LINGO2: variants seen among roughly 807,000 people sequenced by gnomAD.
LINGO2 encodes the protein leucine-rich repeat and immunoglobulin-like domain-containing nogo receptor-interacting protein 2.
Under a neutral mutation model 30.6 loss-of-function variants are expected in LINGO2, and 14 were observed. That is an observed-to-expected ratio of 0.46 (90% CI 0.30 to 0.72). The LOEUF (loss-of-function observed/expected upper bound fraction) is 0.72, where lower values mean the gene tolerates loss of function less well. Ranked by LOEUF, LINGO2 falls within the 30% of genes least tolerant of loss-of-function variation. LINGO2 has a pLI of 0.07. For missense variants in LINGO2, 729 were observed against 751.7 expected (o/e 0.97, Z 0.35); for synonymous variants, 317 against 288.5 (o/e 1.10, Z -1.00).
At chr9:28,292,325 G>A (rs1213692386) in intron 4 of LINGO2, among the ~76,000 whole-genome samples, 1 of 152,084 alleles carries the variant, frequency 6.6e-6, no homozygotes, top group Non-Finnish European at 1.5e-5. Context: ...ACTCACATGG[G>A]CATTTTATGG....
intron 4 of LINGO2, among the ~76,000 whole-genome samples, chr9:28,045,923 A>T (rs570387355): frequency 1.3e-5 from 2 of 152,294 alleles, no homozygotes; most frequent in African/African-American, 4.8e-5. Context: ...TTTGATGATG[A>T]TGAAAAGCAA....
chr9:28,464,670 G>T (rs1228222107), intron 2 of LINGO2, among the ~76,000 whole-genome samples: 1 of 152,148 alleles, frequency 6.6e-6, no homozygotes, highest in Admixed American at 6.5e-5. Context: ...TATTGTTAAA[G>T]AAACTCTTAG....
At chr9:28,744,108 A>ATT in the LINGO2 span, among the ~76,000 whole-genome samples, 61 of 136,848 alleles carry the variant, frequency 4.5e-4, no homozygotes, top group East Asian at 8.0e-4. Flanking sequence ...ATATATATAT[A>ATT]TTTTTTTTCT....
intron 4 of LINGO2, among the ~76,000 whole-genome samples, chr9:28,249,105 C>CT (rs138523338): frequency 0.012 from 1,799 of 151,798 alleles, 41 homozygotes; most frequent in African/African-American, 0.041. Flanking sequence ...AATGTGGTTT[C>CT]TTTTTTTTAG....
chr9:27,993,516 G>T (rs997692786), intron 5 of LINGO2, among the ~76,000 whole-genome samples: 2 of 152,024 alleles, frequency 1.3e-5, no homozygotes, highest in Admixed American at 6.6e-5. Flanking sequence ...CAGCCTTCCA[G>T]CCTGGGTAAC....
chr9:28,022,030 A>G (rs1011617343), intron 4 of LINGO2, among the ~76,000 whole-genome samples: 10 of 152,014 alleles, frequency 6.6e-5, no homozygotes, highest in Non-Finnish European at 1.3e-4. Context: ...TATTTGTTAC[A>G]TTTGTTCTTG....
intron 1 of LINGO2, among the ~76,000 whole-genome samples, chr9:28,611,958 C>T (rs532560739): frequency 2.3e-4 from 35 of 152,098 alleles, no homozygotes; most frequent in African/African-American, 7.9e-4. Context: ...GTAGCTGGGA[C>T]TACAGGTGCC....
At chr9:28,352,237 T>A (rs1587520873) in intron 3 of LINGO2, among the ~76,000 whole-genome samples, 1 of 151,782 alleles carries the variant, frequency 6.6e-6, no homozygotes, top group African/African-American at 2.4e-5. Context: ...GAAATGATTG[T>A]ATATCTAGAA....
chr9:28,652,080 C>T (rs1828128222), intron 1 of LINGO2, among the ~76,000 whole-genome samples: 1 of 152,138 alleles, frequency 6.6e-6, no homozygotes, highest in South Asian at 2.1e-4. Flanking sequence ...CATATCTTCT[C>T]TTGCATGATA....
chr9:28,564,201 T>C lies in LINGO2; in HGVS notation c.-364-88176A>G, dbSNP rs12002140. On this transcript the variant is annotated intron_variant, in intron 1 of 5. Coordinates refer to ENST00000379992, the Ensembl canonical transcript of LINGO2. ...GCTGATTTAATATCATATGGAACAA[T>C]AGTCTTTTACATAGAAAGAAAATAT... Among the ~76,000 whole-genome samples the C allele has an allele frequency of 9.7e-3, 1,473 of 152,192 alleles. 7 individuals are homozygous for C. Among genetic ancestry groups the C allele is most frequent in the Middle Eastern group, 0.024 (7 of 294 alleles).
At chr9:28,266,694 GA>G (rs1283046078) in intron 4 of LINGO2, among the ~76,000 whole-genome samples, 1 of 151,968 alleles carries the variant, frequency 6.6e-6, no homozygotes, top group African/African-American at 2.4e-5. Context: ...AGTTAAACCA[GA>G]AAGGCAAAAC....
At chr9:28,541,165 T>G (rs563562811) in intron 1 of LINGO2, among the ~76,000 whole-genome samples, 1 of 152,188 alleles carries the variant, frequency 6.6e-6, no homozygotes, top group Non-Finnish European at 1.5e-5. Context: ...AACTATGCAG[T>G]ATTTCCCAAC....
At chr9:28,342,669 G>C (rs144784807) in intron 3 of LINGO2, among the ~76,000 whole-genome samples, 1 of 152,156 alleles carries the variant, frequency 6.6e-6, no homozygotes, top group Non-Finnish European at 1.5e-5. Flanking sequence ...TATATGGGGT[G>C]AGTGGTGGTG....
intron 1 of LINGO2, among the ~76,000 whole-genome samples, chr9:28,518,298 C>T (rs1820703987): frequency 6.6e-6 from 1 of 152,148 alleles, no homozygotes; most frequent in African/African-American, 2.4e-5. Context: ...TTCCTTTCCA[C>T]CATTCAATGA....
chr9:28,983,318 C>CA, the LINGO2 span, among the ~76,000 whole-genome samples: 23,153 of 130,796 alleles, frequency 0.18, 1,939 homozygotes, highest in East Asian at 0.28. Flanking sequence ...ATGAGGTATC[C>CA]AAAAAAAAAA....
intron 5 of LINGO2, among the ~76,000 whole-genome samples, chr9:27,990,763 C>G (rs947480727): frequency 1.3e-5 from 2 of 151,992 alleles, no homozygotes; most frequent in East Asian, 1.9e-4. Context: ...TGGTTAACCA[C>G]TCTGATATAC....
chr9:28,274,020 A>G (rs1246904099), intron 4 of LINGO2, among the ~76,000 whole-genome samples: 1 of 152,182 alleles, frequency 6.6e-6, no homozygotes, highest in East Asian at 1.9e-4. Flanking sequence ...AGAGACCATT[A>G]TATCAACCAG....
the LINGO2 span, among the ~76,000 whole-genome samples, chr9:28,984,243 T>C: frequency 6.6e-6 from 1 of 152,200 alleles, no homozygotes; most frequent in East Asian, 1.9e-4. Context: ...TCGTAATAGT[T>C]AGGGATTTTT....
intron 5 of LINGO2, among the ~76,000 whole-genome samples, chr9:27,959,774 C>T (rs920764089): frequency 6.6e-6 from 1 of 152,100 alleles, no homozygotes; most frequent in African/African-American, 2.4e-5. Context: ...CTTTAAAAGT[C>T]ATTAAGGCTA....
Sources: allele counts gnomAD v4.1 joint callset (sites outside exome capture counted in the v4.1 genomes callset), GRCh38; gene constraint gnomAD v4.1.1; transcripts MANE v1.5; gene names NCBI Gene and HGNC (gene_info 2026-07-23, HGNC 2026-07-21).